Variants in RCC1L observed in about 807,000 individuals in gnomAD.
The protein encoded by RCC1L is RCC1-like G exchanging factor-like protein.
Under a neutral mutation model 58.6 loss-of-function variants are expected in RCC1L, and 46 were observed. The ratio of observed to expected loss-of-function variants is 0.79; its 90% CI spans 0.62 to 1.00. The LOEUF (loss-of-function observed/expected upper bound fraction) is 1.00. Ranked by LOEUF, RCC1L falls within the 50% of genes least tolerant of loss-of-function variation. The pLI is 0.00. For missense variants in RCC1L, 636 were observed against 623.6 expected (o/e 1.02, Z -0.21); for synonymous variants, 281 against 262.9 (o/e 1.07, Z -0.67).
rs1433508607 is a variant in RCC1L, at chr7:75,043,091, G to A, written c.1336C>T (p.Pro446Ser). The change falls in exon 11 of 11, where the codon CCT becomes TCT. Residue 446 changes from proline (P) to serine (S), a missense_variant. Pro to Ser is a moderately conservative substitution (Grantham distance 74). Transcript: ENST00000610322. Reference sequence around the variant, plus strand: ...TCCACGCCACATGCCACGTCCACAGGCTCCCCAGGCATCGTCACCTGAAAA... The same window carrying A: ...TCCACGCCACATGCCACGTCCACAGACTCCCCAGGCATCGTCACCTGAAAA... Reference protein sequence around the residue: ...FPWRVTMPGEPVDVACGVDHM... With the variant: ...FPWRVTMPGESVDVACGVDHM... 19 of 1,613,908 alleles carry A rather than the reference G, an allele frequency of 1.2e-5. No homozygotes were observed. The highest frequency in any genetic ancestry group is 1.6e-5 in the Non-Finnish European group (19 of 1,179,884).
chr7:75,041,390 A>G (rs1262084204), downstream of RCC1L, among the ~76,000 whole-genome samples: 1 of 152,056 alleles, frequency 6.6e-6, no homozygotes, highest in Admixed American at 6.6e-5. Flanking sequence ...TTGTCACCAC[A>G]TGCCCCAGCA....
At chr7:75,047,414 A>G (rs1165849150) in intron 10 of RCC1L, among the ~76,000 whole-genome samples, 1 of 152,010 alleles carries the variant, frequency 6.6e-6, no homozygotes, top group Non-Finnish European at 1.5e-5. Flanking sequence ...TTACAGGCAC[A>G]CGCCACTGCA....
intron 6 of RCC1L, among the ~76,000 whole-genome samples, chr7:75,059,337 A>G (rs1282338260): frequency 2.0e-5 from 3 of 147,692 alleles, no homozygotes; most frequent in African/African-American, 7.6e-5. Flanking sequence ...ATCTCGGCTC[A>G]CTGCAATCTC....
intron 10 of RCC1L, among the ~76,000 whole-genome samples, chr7:75,031,112 T>C (rs1394895510): frequency 6.6e-6 from 1 of 152,202 alleles, no homozygotes; most frequent in Non-Finnish European, 1.5e-5. Flanking sequence ...AGTAGGGAGC[T>C]GATAACAGTC....
rs1264849963 is a variant in RCC1L, at chr7:75,060,783, C to CA, written c.787+423dup. ...AGGGCTGAGGGGAATGGAAGGGATG[C>CA]AAAAAAAAAGTATTACAGCAGGGCA... is the stretch of plus-strand genomic sequence containing the variant. On this transcript the variant is annotated intron_variant, in intron 6 of 10. Transcript: ENST00000610322. 1.8e-3 allele frequency among the ~76,000 whole-genome samples: 266 copies of CA among 149,856 alleles called. 2 individuals carry two copies. Among genetic ancestry groups the CA allele is most frequent in the African/African-American group, 5.7e-3 (235 of 40,884 alleles).
chr7:75,052,270 T>C (rs1805935766), intron 10 of RCC1L, among the ~76,000 whole-genome samples: 1 of 152,212 alleles, frequency 6.6e-6, no homozygotes, highest in Non-Finnish European at 1.5e-5. Context: ...GCGTGCCAAC[T>C]TCATCCAATA....
At chr7:75,050,925 T>A (rs992622187) in intron 10 of RCC1L, among the ~76,000 whole-genome samples, 1 of 151,962 alleles carries the variant, frequency 6.6e-6, no homozygotes, top group Non-Finnish European at 1.5e-5. Context: ...GACTCCCATC[T>A]CTACTAAAAA....
chr7:75,049,916 C>T (rs1774083316), intron 10 of RCC1L, among the ~76,000 whole-genome samples: 1 of 151,970 alleles, frequency 6.6e-6, no homozygotes, highest in African/African-American at 2.4e-5. Context: ...AGAAAAATCA[C>T]TTGTAATTTT....
chr7:75,069,854 C>T (rs930389136), intron 2 of RCC1L, among the ~76,000 whole-genome samples: 1 of 152,116 alleles, frequency 6.6e-6, no homozygotes, highest in African/African-American at 2.4e-5. Flanking sequence ...CTGCCCTCCT[C>T]GGCTTCCCAA....
intron 10 of RCC1L, among the ~76,000 whole-genome samples, chr7:75,046,125 C>T (rs1181303046): frequency 6.6e-6 from 1 of 152,238 alleles, no homozygotes; most frequent in Non-Finnish European, 1.5e-5. Flanking sequence ...GACTCCTGGC[C>T]ACAGCAGATG....
At chr7:75,030,488 T>C (rs1259699404) in intron 10 of RCC1L, among the ~76,000 whole-genome samples, 1 of 152,084 alleles carries the variant, frequency 6.6e-6, no homozygotes, top group African/African-American at 2.4e-5. Context: ...GGGGCAAAGG[T>C]GTCAGGAACA....
chr7:75,063,157 G>T, intron 5 of RCC1L, 135 bp downstream of exon 5: 1 of 981,118 alleles, frequency 1.0e-6, no homozygotes, highest in Non-Finnish European at 1.6e-6. Context: ...CCTATAGTAA[G>T]TAGGCTACAA....
intron 10 of RCC1L, among the ~76,000 whole-genome samples, chr7:75,046,138 T>C (rs1315823606): frequency 6.6e-6 from 1 of 152,236 alleles, no homozygotes; most frequent in Non-Finnish European, 1.5e-5. Flanking sequence ...AGCAGATGGA[T>C]GCTAGAAACC....
chr7:75,048,595 G>A (rs1444995926), intron 10 of RCC1L, among the ~76,000 whole-genome samples: 5 of 152,226 alleles, frequency 3.3e-5, no homozygotes, highest in South Asian at 4.1e-4. Context: ...TGCCCAGCAC[G>A]CTGTCCATGC....
chr7:75,045,079 A>T (rs1308167109), intron 10 of RCC1L, among the ~76,000 whole-genome samples: 2 of 152,120 alleles, frequency 1.3e-5, no homozygotes, highest in Non-Finnish European at 2.9e-5. Context: ...CTAGTGGTGC[A>T]ATCACTGCAG....
chr7:75,057,116 G>T (rs1806105533), intron 8 of RCC1L, among the ~76,000 whole-genome samples: 1 of 152,114 alleles, frequency 6.6e-6, no homozygotes, highest in Admixed American at 6.6e-5. Context: ...AGGATTACAA[G>T]CATGTACCAC....
intron 10 of RCC1L, among the ~76,000 whole-genome samples, chr7:75,050,980 C>A (rs1805886250): frequency 6.6e-6 from 1 of 151,766 alleles, no homozygotes; most frequent in African/African-American, 2.4e-5. Context: ...GTGGTCCCAG[C>A]TATTCAGGAG....
chr7:75,064,499 C>T (rs957246347), intron 4 of RCC1L, 83 bp downstream of exon 4: 80 of 1,526,250 alleles, frequency 5.2e-5, no homozygotes, highest in Admixed American at 6.7e-5. Context: ...CTGACCGCCC[C>T]GCGGGTTTAC....
chr7:75,045,395 G>A (rs969779088), intron 10 of RCC1L, among the ~76,000 whole-genome samples: 64 of 152,034 alleles, frequency 4.2e-4, no homozygotes, highest in Non-Finnish European at 7.4e-4. Context: ...GCCCAGGCTG[G>A]TCTCGAACTC....
Sources: gnomAD v4.1 joint callset for allele counts (sites outside exome capture counted in the v4.1 genomes callset) on GRCh38, gnomAD v4.1.1 for gene constraint, MANE v1.5 for transcripts, NCBI Gene and HGNC (gene_info 2026-07-23, HGNC 2026-07-21) for gene names.